The following PVT1 variants were observed in gnomAD, a reference collection of about 807,000 sequenced individuals.
PVT1 encodes the protein Pvt1 oncogene.
chr8:128,072,783 T>C (rs1446647680), intron 5 of PVT1, among the ~76,000 whole-genome samples: 2 of 152,166 alleles, frequency 1.3e-5, no homozygotes, highest in African/African-American at 4.8e-5. Flanking sequence ...AGACATTCCC[T>C]TACCACATTT....
At chr8:127,896,857 C>G (rs917802060) in intron 3 of PVT1, among the ~76,000 whole-genome samples, 1 of 148,208 alleles carries the variant, frequency 6.7e-6, no homozygotes, top group African/African-American at 2.5e-5. Context: ...CATCTGCAAA[C>G]CATAACACCT....
At position 128,002,697 on chromosome 8, in the gene PVT1, G is replaced by A. The variant is rs142741079; in HGVS notation, n.912+13406G>A. Reference sequence around the variant, plus strand: ...TCCAAATTTCCCTTTTCTTAGAATTGCATCTTCTCTAAACCAGCATGACCT... The same window carrying A: ...TCCAAATTTCCCTTTTCTTAGAATTACATCTTCTCTAAACCAGCATGACCT... On this transcript the variant is annotated intron_variant and non_coding_transcript_variant, in intron 4 of 10. Transcript: ENST00000651587. Among the ~76,000 whole-genome samples, 760 of 152,080 alleles carry A rather than the reference G, an allele frequency of 5.0e-3. 8 individuals carry two copies. Among genetic ancestry groups the A allele is most frequent in the African/African-American group, 0.018 (729 of 41,464 alleles).
intron 4 of PVT1, among the ~76,000 whole-genome samples, chr8:128,026,961 C>CAG (rs1813302755): frequency 6.6e-6 from 1 of 152,156 alleles, no homozygotes; most frequent in Non-Finnish European, 1.5e-5. Context: ...TGTCTGCCAC[C>CAG]TCCCAGCCCC....
intron 4 of PVT1, among the ~76,000 whole-genome samples, chr8:127,994,284 T>C (rs1211281786): frequency 6.6e-6 from 1 of 152,174 alleles, no homozygotes; most frequent in African/African-American, 2.4e-5. Flanking sequence ...GGATCTCGCC[T>C]GGAAACACGA....
At chr8:127,962,324 GGTT>G (rs1386694614) in intron 3 of PVT1, among the ~76,000 whole-genome samples, 1 of 152,216 alleles carries the variant, frequency 6.6e-6, no homozygotes, top group Non-Finnish European at 1.5e-5. Context: ...ACATTTAGGG[GGTT>G]GTTGTTGTAC....
At chr8:127,809,719 A>G (rs1011064170) in intron 2 of PVT1, among the ~76,000 whole-genome samples, 1 of 152,186 alleles carries the variant, frequency 6.6e-6, no homozygotes, top group Admixed American at 6.5e-5. Context: ...GTCCCCAGGA[A>G]TTTATAGGAG....
rs189665931 is a variant in PVT1 at position 127,949,088 on chromosome 8, A to G, written n.783-40074A>G. On this transcript the variant is annotated intron_variant and non_coding_transcript_variant, in intron 3 of 10. Transcript: ENST00000651587. ...TGTAGCCTTTGGCTGGGGAGGGGAG[A>G]TACTATTGTTCCCATTTTACAGGTG... 3.9e-5 allele frequency among the ~76,000 whole-genome samples: 6 copies of G among 152,148 alleles called. No homozygotes were observed. In the East Asian group the frequency reaches 1.2e-3, roughly 29 times the overall value.
At chr8:128,017,853 T>A (rs4236750) in intron 4 of PVT1, among the ~76,000 whole-genome samples, 1 of 152,088 alleles carries the variant, frequency 6.6e-6, no homozygotes, top group African/African-American at 2.4e-5. Context: ...TCACTCCTTG[T>A]GTCGGGGGTG....
At chr8:128,055,581 A>C (rs1813753323) in intron 4 of PVT1, among the ~76,000 whole-genome samples, 1 of 152,242 alleles carries the variant, frequency 6.6e-6, no homozygotes, top group South Asian at 2.1e-4. Context: ...CTGCACATGA[A>C]ACCATAACAA....
intron 4 of PVT1, among the ~76,000 whole-genome samples, chr8:127,995,174 C>T (rs184921373): frequency 6.6e-6 from 1 of 152,140 alleles, no homozygotes; most frequent in Non-Finnish European, 1.5e-5. Context: ...CCCAGCTGAC[C>T]CCTTTGATCC....
At chr8:128,065,253 G>T (rs1042579561) in intron 4 of PVT1, among the ~76,000 whole-genome samples, 1 of 152,056 alleles carries the variant, frequency 6.6e-6, no homozygotes, top group Admixed American at 6.6e-5. Flanking sequence ...GTGCAGTGGT[G>T]TGATCTCAGC....
intron 4 of PVT1, among the ~76,000 whole-genome samples, chr8:128,018,545 A>G (rs1817399176): frequency 6.6e-6 from 1 of 152,198 alleles, no homozygotes; most frequent in Non-Finnish European, 1.5e-5. Context: ...AATGCCAGGG[A>G]GATAGGTACC....
At chr8:127,795,016 C>A (rs1030454194) in intron 1 of PVT1, among the ~76,000 whole-genome samples, 1 of 152,124 alleles carries the variant, frequency 6.6e-6, no homozygotes, top group South Asian at 2.1e-4. Flanking sequence ...AAAAATAGAC[C>A]CCTCTGCAGT....
chr8:127,942,777 C>T (rs1012335621), intron 3 of PVT1, among the ~76,000 whole-genome samples: 2 of 152,164 alleles, frequency 1.3e-5, no homozygotes, highest in African/African-American at 4.8e-5. Context: ...GAGATTCAGT[C>T]CCTCCTTGAA....
chr8:127,984,899 T>TTC (rs1563657542), intron 3 of PVT1, among the ~76,000 whole-genome samples: 22 of 94,350 alleles, frequency 2.3e-4, no homozygotes, highest in African/African-American at 3.2e-4. Flanking sequence ...CTTTCTTTCT[T>TTC]TCTTTCTTTC....
chr8:128,094,865 G>A (rs1273313064), intron 5 of PVT1, among the ~76,000 whole-genome samples: 1 of 152,186 alleles, frequency 6.6e-6, no homozygotes, highest in African/African-American at 2.4e-5. Flanking sequence ...CTGCTCCAGA[G>A]CCTCCCCAGA....
chr8:128,087,770 T>TTTTTTTTTG lies in PVT1; in HGVS notation n.1115-8748_1115-8747insTTTTTTTTG, dbSNP rs370583568. On this transcript the variant is annotated intron_variant and non_coding_transcript_variant, in intron 5 of 10. Transcript: ENST00000651587. ...TACTTTTTTTTTTTTTTTTTTTTTT[T>TTTTTTTTTG]GAGATGGAGTCTCGTTCTGTCTCCC... Among the ~76,000 whole-genome samples, 6 of 115,592 alleles carry TTTTTTTTTG rather than the reference T, an allele frequency of 5.2e-5. 1 individual carries two copies. Among genetic ancestry groups the TTTTTTTTTG allele is most frequent in the Non-Finnish European group, 7.0e-5 (4 of 56,804 alleles). 75.8% of individuals were successfully genotyped at this position (115,592 alleles called of 152,430 possible). A position where few individuals can be genotyped will look rare whatever the true frequency, so the allele number is the denominator to read the frequency against.
chr8:128,017,590 C>T (rs550151166), intron 4 of PVT1, among the ~76,000 whole-genome samples: 14 of 150,432 alleles, frequency 9.3e-5, no homozygotes, highest in Admixed American at 2.6e-4. Flanking sequence ...TGCCACCAAG[C>T]GCTATTTTTT....
chr8:128,049,588 G>A (rs1349398693), intron 4 of PVT1, among the ~76,000 whole-genome samples: 1 of 152,196 alleles, frequency 6.6e-6, no homozygotes, highest in African/African-American at 2.4e-5. Context: ...TGCCCAGAAG[G>A]CTGACCTGTG....
Sources: allele counts gnomAD v4.1 joint callset (sites outside exome capture counted in the v4.1 genomes callset), GRCh38; gene constraint gnomAD v4.1.1; transcripts MANE v1.5; gene names NCBI Gene and HGNC (gene_info 2026-07-23, HGNC 2026-07-21).